FERMT2: variants seen among roughly 807,000 people sequenced by gnomAD.
FERMT2 encodes fermitin family homolog 2.
A neutral mutation model predicts 82.7 loss-of-function variants in FERMT2; 15 were observed. The observed-to-expected ratio is 0.18, with a 90% CI of 0.12 to 0.28. FERMT2 has a LOEUF of 0.28. Ranked by LOEUF, FERMT2 falls within the 10% of genes least tolerant of loss-of-function variation. The pLI, the probability that FERMT2 is intolerant of heterozygous loss-of-function variation, is 1.00. For missense variants in FERMT2, 645 were observed against 809.4 expected, an observed-to-expected ratio of 0.80 and a Z score of 2.46; for synonymous variants, 274 against 271.5, an observed-to-expected ratio of 1.01 and a Z score of -0.09.
Position 52,887,921 on chromosome 14 carries a change from C to T in FERMT2, c.526+5372G>A, listed in dbSNP as rs576802869. ...CTTAACCCTTGTGGAGTTATTTCCT[C>T]AGAAGTAAAATGAAGACATCACCAA... On this transcript the variant is annotated intron_variant, in intron 4 of 14. Coordinates refer to ENST00000341590, the MANE Select transcript of FERMT2 (RefSeq NM_006832.3). 1.3e-3 allele frequency among the ~76,000 whole-genome samples: 199 copies of T among 152,114 alleles called. 2 individuals carry two copies. The highest frequency in any genetic ancestry group is 4.6e-3 in the African/African-American group (191 of 41,512).
intron 3 of FERMT2, among the ~76,000 whole-genome samples, chr14:52,901,178 G>A (rs910318584): frequency 5.4e-5 from 8 of 149,022 alleles, no homozygotes; most frequent in Non-Finnish European, 8.9e-5. Context: ...CTACTCCGGA[G>A]GCTGAGGCAG....
chr14:52,936,951 T>C (rs959771729), intron 2 of FERMT2, among the ~76,000 whole-genome samples: 1 of 151,852 alleles, frequency 6.6e-6, no homozygotes, highest in Non-Finnish European at 1.5e-5. Context: ...GGTCAGGAGT[T>C]GGAGACCAGC....
chr14:52,926,255 T>C (rs114671381), intron 2 of FERMT2, among the ~76,000 whole-genome samples: 3 of 152,226 alleles, frequency 2.0e-5, no homozygotes, highest in Non-Finnish European at 4.4e-5. Flanking sequence ...TAACTGTTGA[T>C]ATTCCCTGAA....
intron 4 of FERMT2, among the ~76,000 whole-genome samples, chr14:52,883,915 G>T (rs1047636071): frequency 5.9e-5 from 9 of 152,270 alleles, no homozygotes; most frequent in Non-Finnish European, 1.2e-4. Flanking sequence ...CGCTGTAATT[G>T]TAAGTTTCCT....
Position 52,859,824 on chromosome 14 carries a change from T to C in FERMT2, c.1728-110A>G, listed in dbSNP as rs187048440. On this transcript the variant is annotated intron_variant, in intron 13 of 14. Transcript: ENST00000341590. ...TAACCCTAAAAGAGTACTATTCTTT[T>C]TTTTTTTTTTTGAGACGGAGTCTTG... 2.8e-4 allele frequency: 163 copies of C among 582,242 alleles called. 1 individual carries two copies. In the East Asian group the frequency reaches 4.5e-3, roughly 16 times the overall value. The allele number at this position is 582,242 out of a possible 1,614,324, so 36.1% of individuals were successfully genotyped here. A position where few individuals can be genotyped will look rare whatever the true frequency, so the allele number is the denominator to read the frequency against.
chr14:52,907,013 T>TAA (rs59646316), intron 3 of FERMT2, among the ~76,000 whole-genome samples: 121 of 139,356 alleles, frequency 8.7e-4, no homozygotes, highest in South Asian at 3.0e-3. Context: ...AAGGCAAAAT[T>TAA]AAAAAAAAAA....
chr14:52,923,790 T>C (rs182002004), intron 2 of FERMT2, among the ~76,000 whole-genome samples: 31 of 151,676 alleles, frequency 2.0e-4, no homozygotes, highest in African/African-American at 7.5e-4. Context: ...AGTAACAATA[T>C]AGAAAAAAAA....
rs57945447 is a variant in FERMT2, at chr14:52,896,999, A to AACACACACAC, written c.392-3582_392-3573dup. ...GCAAGACCATCTGCAAAACAAATAA[A>AACACACACAC]ACACACACACACACACACACACACA... On this transcript the variant is annotated intron_variant, in intron 3 of 14. Transcript: ENST00000341590. 2.6e-3 allele frequency among the ~76,000 whole-genome samples: 359 copies of AACACACACAC among 137,174 alleles called. 1 individual carries two copies. Among genetic ancestry groups the AACACACACAC allele is most frequent in the African/African-American group, 9.5e-3 (335 of 35,294 alleles). The allele number at this position is 137,174 out of a possible 152,430, so 90.0% of individuals were successfully genotyped here. A position where few individuals can be genotyped will look rare whatever the true frequency, so the allele number is the denominator to read the frequency against.
intron 3 of FERMT2, among the ~76,000 whole-genome samples, chr14:52,913,396 A>C (rs1434754800): frequency 6.6e-6 from 1 of 152,192 alleles, no homozygotes; most frequent in African/African-American, 2.4e-5. Flanking sequence ...TGTCCTTAGA[A>C]GCTAGATGTT....
intron 2 of FERMT2, among the ~76,000 whole-genome samples, chr14:52,923,499 T>A (rs1371708404): frequency 6.6e-6 from 1 of 152,070 alleles, no homozygotes; most frequent in Admixed American, 6.6e-5. Context: ...AAAATCTCAA[T>A]TTTCCATCAA....
chr14:52,918,444 T>C (rs1273710916), intron 3 of FERMT2, among the ~76,000 whole-genome samples: 1 of 152,208 alleles, frequency 6.6e-6, no homozygotes, highest in Non-Finnish European at 1.5e-5. Context: ...TTTAAAAATT[T>C]AACATGAATA....
intron 2 of FERMT2, among the ~76,000 whole-genome samples, chr14:52,943,588 A>G (rs905541668): frequency 1.4e-4 from 21 of 151,916 alleles, no homozygotes; most frequent in Admixed American, 1.2e-3. Context: ...CCTGAATGTG[A>G]TCACTATACT....
chr14:52,883,785 G>C (rs989165891), intron 4 of FERMT2, among the ~76,000 whole-genome samples: 19 of 152,070 alleles, frequency 1.2e-4, no homozygotes, highest in African/African-American at 4.6e-4. Context: ...ATCCCCGCTT[G>C]GTACTGTATA....
chr14:52,873,095 G>C (rs1000760872), intron 9 of FERMT2, among the ~76,000 whole-genome samples, 172 bp from the exon 10 acceptor site: 11 of 152,304 alleles, frequency 7.2e-5, no homozygotes, highest in African/African-American at 2.2e-4. Flanking sequence ...CTGGATGCGA[G>C]CCTCCCTTCT....
chr14:52,923,550 T>C (rs1889083181), intron 2 of FERMT2, among the ~76,000 whole-genome samples: 1 of 152,088 alleles, frequency 6.6e-6, no homozygotes, highest in Non-Finnish European at 1.5e-5. Context: ...ATATCTCCCC[T>C]GATACTCATC....
chr14:52,930,976 C>T (rs773001962), intron 2 of FERMT2, among the ~76,000 whole-genome samples: 1 of 152,126 alleles, frequency 6.6e-6, no homozygotes, highest in Non-Finnish European at 1.5e-5. Context: ...ACTTCTCTTT[C>T]GATTTTAGAG....
chr14:52,864,542 T>C lies in FERMT2; in HGVS notation c.1461A>G (p.Leu487=). The C allele has an allele frequency of 1.2e-6, 2 of 1,614,182 alleles. No homozygotes were observed. Among genetic ancestry groups the C allele is most frequent in the East Asian group, 2.2e-5 (1 of 44,888 alleles). ...GKTMADSSYN[L]EVQNILSFLK... ...GAAAGGAAAGAATATTCTGAACTTC[T>C]AAGTTGTAAGAACTGTCCGCCATGG... The change falls in exon 12 of 15, where the codon TTA becomes TTG. Residue 487 remains leucine, a synonymous_variant. Transcript: ENST00000341590.
Position 52,858,413 on chromosome 14 carries a change from T to C in FERMT2, c.2007A>G (p.Glu669=), listed in dbSNP as rs376050043. 39 of 1,614,050 alleles carry C rather than the reference T, an allele frequency of 2.4e-5. No individual in the cohort carries two copies. The highest frequency in any genetic ancestry group is 3.1e-5 in the Non-Finnish European group (36 of 1,179,976). Reference sequence around the variant, plus strand: ...CACTGGTAAGTTTGTAGAACATCTCTTCATCTAAACTCTCGTTTTGGTCTT... The same window carrying C: ...CACTGGTAAGTTTGTAGAACATCTCCTCATCTAAACTCTCGTTTTGGTCTT... ...RAKDQNESLD[E]EMFYKLTSGW... is the part of the protein sequence containing the mutation. The change falls in exon 15 of 15, where the codon GAA becomes GAG. Residue 669 remains glutamate, a synonymous_variant. Coordinates refer to ENST00000341590, the MANE Select transcript of FERMT2 (RefSeq NM_006832.3).
chr14:52,878,265 C>A (rs1886089182), intron 7 of FERMT2, among the ~76,000 whole-genome samples: 1 of 152,012 alleles, frequency 6.6e-6, no homozygotes, highest in Non-Finnish European at 1.5e-5. Flanking sequence ...TAAATATTTT[C>A]TTTCCAAGGA....
Sources: gnomAD v4.1 joint callset for allele counts (sites outside exome capture counted in the v4.1 genomes callset) on GRCh38, gnomAD v4.1.1 for gene constraint, MANE v1.5 for transcripts, NCBI Gene and HGNC (gene_info 2026-07-23, HGNC 2026-07-21) for gene names.